RCL1: variants seen among roughly 807,000 people sequenced by gnomAD.
The protein encoded by RCL1 is RNA terminal phosphate cyclase like 1.
A neutral mutation model predicts 42.4 loss-of-function variants in RCL1; 24 were observed. That is an observed-to-expected ratio of 0.57 (90% CI 0.41 to 0.80). The LOEUF (loss-of-function observed/expected upper bound fraction) is 0.80, where lower values mean the gene tolerates loss of function less well. RCL1 is among the 30% of genes least tolerant of loss of function. The pLI is 0.00. For synonymous variants in RCL1, 228 were observed against 177.3 expected, an observed-to-expected ratio of 1.29 and a Z score of -2.27; for missense variants, 578 against 467.9, an observed-to-expected ratio of 1.24 and a Z score of -2.17.
At chr9:4,829,359 G>A (rs1816873901) in intron 3 of RCL1, among the ~76,000 whole-genome samples, 1 of 152,164 alleles carries the variant, frequency 6.6e-6, no homozygotes, top group Non-Finnish European at 1.5e-5. Context: ...AGAGGAAGGG[G>A]CCATAGATGA....
intron 1 of RCL1, among the ~76,000 whole-genome samples, chr9:4,799,494 G>A (rs1274002239): frequency 6.6e-6 from 1 of 152,090 alleles, no homozygotes; most frequent in African/African-American, 2.4e-5. Context: ...GAACATTTCT[G>A]TCACTCCAAG....
In RCL1 at chr9:4,849,530, A is replaced by G; in HGVS notation, c.951A>G (p.Leu317=). ...AGCAGGATGTTTCCAAAGTCCTGCT[A>G]GGCCCTCTCTCTCCCTACACGTAAG... The part of the protein sequence containing the change: ...LGQQDVSKVL[L]GPLSPYTIEF... Residue 317 remains leucine, a synonymous_variant, in exon 8 of 9, where the codon CTA becomes CTG. Coordinates refer to ENST00000381750, the MANE Select transcript of RCL1 (RefSeq NM_005772.5). 6.2e-7 allele frequency: 1 copy of G among 1,603,712 alleles called. No individual in the cohort carries two copies. Among genetic ancestry groups the G allele is most frequent in the Non-Finnish European group, 8.5e-7 (1 of 1,170,658 alleles).
At chr9:4,816,218 G>A (rs1816371191) in intron 1 of RCL1, among the ~76,000 whole-genome samples, 1 of 151,986 alleles carries the variant, frequency 6.6e-6, no homozygotes, top group Non-Finnish European at 1.5e-5. Flanking sequence ...TTTAATTGTT[G>A]ATTCATTGGT....
At chr9:4,847,613 C>G (rs1459484692) in intron 7 of RCL1, among the ~76,000 whole-genome samples, 1 of 152,234 alleles carries the variant, frequency 6.6e-6, no homozygotes, top group Non-Finnish European at 1.5e-5. Context: ...AAGTTCTTTC[C>G]AAATCCTAAC....
At chr9:4,835,534 G>A (rs1014451660) in intron 5 of RCL1, among the ~76,000 whole-genome samples, 2 of 152,238 alleles carry the variant, frequency 1.3e-5, no homozygotes, top group Non-Finnish European at 2.9e-5. Flanking sequence ...TGACAGGAAA[G>A]AGAAGGAGAA....
intron 2 of RCL1, among the ~76,000 whole-genome samples, chr9:4,826,622 G>T (rs112956135): frequency 6.6e-6 from 1 of 152,190 alleles, no homozygotes; most frequent in African/African-American, 2.4e-5. Flanking sequence ...ATGGCTCAGA[G>T]AGGGGTTTAC....
chr9:4,832,836 G>A (rs561162935), intron 3 of RCL1, among the ~76,000 whole-genome samples: 8 of 151,002 alleles, frequency 5.3e-5, no homozygotes, highest in Admixed American at 5.3e-4. Flanking sequence ...AAAAAGTAGG[G>A]TTCTCCATTT....
At chr9:4,857,036 C>A (rs192042132) in intron 8 of RCL1, among the ~76,000 whole-genome samples, 67 of 152,318 alleles carry the variant, frequency 4.4e-4, no homozygotes, top group African/African-American at 1.6e-3. Context: ...GAACCAGGAT[C>A]AGTTGTTTTA....
rs2129771097 is a variant in RCL1, at chr9:4,861,011, T to C, written c.*736T>C. The C allele has an allele frequency of 1.3e-5, 2 of 152,266 alleles. No individual in the cohort carries two copies. Among genetic ancestry groups the C allele is most frequent in the Middle Eastern group, 6.8e-3 (2 of 294 alleles). 9.4% of individuals were successfully genotyped at this position (152,266 alleles called of 1,614,324 possible). A position where few individuals can be genotyped will look rare whatever the true frequency, so the allele number is the denominator to read the frequency against. ...TCTCCATGAGAAAATTCATAAAGGG[T>C]GTTTTGTTCCTTTGAAATGTATAAT... is the stretch of plus-strand genomic sequence containing the variant. On this transcript the variant is annotated 3_prime_UTR_variant, in exon 9 of 9. Coordinates refer to ENST00000381750, the MANE Select transcript of RCL1 (RefSeq NM_005772.5).
intron 8 of RCL1, among the ~76,000 whole-genome samples, chr9:4,853,821 C>G (rs974401776): frequency 2.0e-5 from 3 of 151,930 alleles, no homozygotes; most frequent in Non-Finnish European, 4.4e-5. Flanking sequence ...TAGTTAATGA[C>G]CTTTTTCCAT....
intron 1 of RCL1, among the ~76,000 whole-genome samples, chr9:4,815,275 T>A (rs296843): frequency 0.34 from 51,279 of 151,998 alleles, 10,148 homozygotes; most frequent in Non-Finnish European, 0.44. Context: ...TTCCTGTAAG[T>A]CTTGTAGGTG....
At chr9:4,798,729 G>T (rs1842951399) in intron 1 of RCL1, among the ~76,000 whole-genome samples, 1 of 152,152 alleles carries the variant, frequency 6.6e-6, no homozygotes, top group Non-Finnish European at 1.5e-5. Flanking sequence ...AATTCTTGAT[G>T]GACAACTGGT....
intron 1 of RCL1, among the ~76,000 whole-genome samples, chr9:4,809,053 T>A (rs567458005): frequency 3.3e-5 from 5 of 152,200 alleles, no homozygotes; most frequent in Non-Finnish European, 5.9e-5. Flanking sequence ...ACTTTTTTTT[T>A]AAAGCACAAG....
chr9:4,857,586 T>G (rs1488379799), intron 8 of RCL1, among the ~76,000 whole-genome samples: 1 of 152,164 alleles, frequency 6.6e-6, no homozygotes, highest in Non-Finnish European at 1.5e-5. Flanking sequence ...CGTGCAAGTT[T>G]TTGTGTGGGT....
chr9:4,836,338 G>C (rs1817128572), intron 5 of RCL1, among the ~76,000 whole-genome samples: 1 of 152,072 alleles, frequency 6.6e-6, no homozygotes, highest in Admixed American at 6.5e-5. Context: ...GCATTGGGAA[G>C]TACATTCCTC....
intron 4 of RCL1, 97 bp downstream of exon 4, chr9:4,833,325 A>G: frequency 3.4e-6 from 3 of 887,914 alleles, no homozygotes; most frequent in Admixed American, 1.8e-5. Context: ...TGTGTGTCAC[A>G]TTTGAAGTCA....
At chr9:4,794,893 C>T (rs1030150819) in intron 1 of RCL1, among the ~76,000 whole-genome samples, 6 of 152,082 alleles carry the variant, frequency 3.9e-5, no homozygotes, top group South Asian at 4.1e-4. Context: ...GGGTGTCAGA[C>T]GCTGATACCT....
intron 8 of RCL1, among the ~76,000 whole-genome samples, chr9:4,851,461 A>G (rs459683): frequency 0.9 from 136,413 of 152,086 alleles, 61,271 homozygotes; most frequent in East Asian, 1. Context: ...GCCCCTAATC[A>G]CTATGGACAG....
intron 8 of RCL1, among the ~76,000 whole-genome samples, chr9:4,851,351 G>C (rs1025390468): frequency 1.3e-5 from 2 of 152,200 alleles, no homozygotes; most frequent in African/African-American, 4.8e-5. Flanking sequence ...GGGTCTGCCA[G>C]GGTGGGAAAG....
Sources: allele counts gnomAD v4.1 joint callset (sites outside exome capture counted in the v4.1 genomes callset), GRCh38; gene constraint gnomAD v4.1.1; transcripts MANE v1.5; gene names NCBI Gene and HGNC (gene_info 2026-07-23, HGNC 2026-07-21).